Variants in SNED1 observed in about 807,000 individuals in gnomAD.
The protein encoded by SNED1 is sushi, nidogen and EGF-like domain-containing protein 1.
Under a neutral mutation model 166.7 loss-of-function variants are expected in SNED1, and 81 were observed. The observed-to-expected ratio is 0.49, with a 90% CI of 0.41 to 0.58. SNED1 has a LOEUF of 0.58. Ranked by LOEUF, SNED1 falls within the 20% of genes least tolerant of loss-of-function variation. The probability of loss-of-function intolerance (pLI) is 0.00; values close to 1 mark genes in which losing one functional copy is unlikely to be tolerated. For synonymous variants in SNED1, 762 were observed against 822.0 expected (o/e 0.93, Z 1.25); for missense variants, 1,604 against 2,000.2 (o/e 0.80, Z 3.78).
At chr2:241,012,711 C>G (rs900285802) in intron 1 of SNED1, among the ~76,000 whole-genome samples, 4 of 152,068 alleles carry the variant, frequency 2.6e-5, no homozygotes, top group Non-Finnish European at 5.9e-5. Flanking sequence ...TCGCATGAAT[C>G]TATACATCCA....
intron 6 of SNED1, among the ~76,000 whole-genome samples, chr2:241,038,005 C>T (rs2061424509): frequency 6.6e-6 from 1 of 152,144 alleles, no homozygotes; most frequent in Non-Finnish European, 1.5e-5. Flanking sequence ...ACTTACTGCC[C>T]TTCCCCCGGC....
chr2:241,059,936 A>C (rs899098739), intron 16 of SNED1, among the ~76,000 whole-genome samples: 10 of 152,176 alleles, frequency 6.6e-5, no homozygotes, highest in African/African-American at 1.7e-4. Flanking sequence ...AATAAAAGGA[A>C]GGAAAGGAAG....
intron 31 of SNED1, 135 bp downstream of exon 31, chr2:241,088,537 G>T: frequency 2.7e-6 from 2 of 734,206 alleles, no homozygotes; most frequent in African/African-American, 1.7e-5. Context: ...CTGTGCTGCT[G>T]TGTTACAGAC....
intron 1 of SNED1, 41 bp from the exon 2 acceptor site, chr2:241,030,243 C>T (rs2061126007): frequency 6.6e-7 from 1 of 1,508,324 alleles, no homozygotes; most frequent in African/African-American, 1.4e-5. Context: ...CGCCTGCCCA[C>T]AGCCCCCAGT....
At chr2:241,077,802 G>A (rs919968287) in intron 27 of SNED1, among the ~76,000 whole-genome samples, 7 of 152,260 alleles carry the variant, frequency 4.6e-5, no homozygotes, top group South Asian at 2.1e-4. Context: ...CTAGGATGGC[G>A]GGAATTAAAA....
chr2:241,049,171 G>T (rs1461064964), intron 11 of SNED1, 36 bp downstream of exon 11: 19 of 1,535,864 alleles, frequency 1.2e-5, no homozygotes, highest in Non-Finnish European at 1.7e-5. Flanking sequence ...TGGGCCGGGG[G>T]CCCGGACAGA....
rs952214984 is a variant in SNED1, at chr2:241,064,190, G to T, written c.2599+65G>T. The T allele has an allele frequency of 4.3e-6, 5 of 1,153,902 alleles. No individual in the cohort carries two copies. Among genetic ancestry groups the T allele is most frequent in the Non-Finnish European group, 6.0e-6 (5 of 828,934 alleles). 71.5% of individuals were successfully genotyped at this position (1,153,902 alleles called of 1,614,324 possible). A position where few individuals can be genotyped will look rare whatever the true frequency, so the allele number is the denominator to read the frequency against. ...CCTGCTCCCCGCCCTCTGCCCGCCTGCTGCCCGCCCTCTGCCCGCCTGCTC... is the reference window on the plus strand; with the variant it reads ...CCTGCTCCCCGCCCTCTGCCCGCCTTCTGCCCGCCCTCTGCCCGCCTGCTC... On this transcript the variant is annotated intron_variant, in intron 19 of 31. Coordinates refer to ENST00000310397, the MANE Select transcript of SNED1 (RefSeq NM_001080437.3). The surrounding 1 kb of genome is among the most constrained non-coding windows in gnomAD (Gnocchi z 7.0).
intron 8 of SNED1, 91 bp from the exon 9 acceptor site, chr2:241,048,224 G>A: frequency 7.0e-7 from 1 of 1,420,704 alleles, no homozygotes; most frequent in Non-Finnish European, 9.3e-7. Context: ...CAACAGAGGT[G>A]AAAACCCAAA....
rs892603497 is a variant in SNED1 at position 241,073,167 on chromosome 2, C to A, written c.3818-99C>A. 2 of 841,342 alleles carry A rather than the reference C, an allele frequency of 2.4e-6. No homozygotes were observed. 52.1% of individuals were successfully genotyped at this position (841,342 alleles called of 1,614,324 possible). ...GAGCCTGGTCCCCACCAGGGACATC[C>A]GTGCTCCCTGAGATATAGAAGCACT... On this transcript the variant is annotated intron_variant, in intron 26 of 31. Transcript: ENST00000310397. This position sits in a 1 kb window ranked among gnomAD's most constrained non-coding sequence, Gnocchi z 6.6.
intron 1 of SNED1, among the ~76,000 whole-genome samples, chr2:241,005,014 C>G (rs1417525197): frequency 6.6e-6 from 1 of 152,046 alleles, no homozygotes; most frequent in African/African-American, 2.4e-5. Flanking sequence ...GGCCACCATG[C>G]CTGGCCAATG....
At chr2:241,080,558 T>C (rs2063280856) in intron 27 of SNED1, among the ~76,000 whole-genome samples, 1 of 152,140 alleles carries the variant, frequency 6.6e-6, no homozygotes, top group South Asian at 2.1e-4. Context: ...GCCCAGGACA[T>C]GTTGTGTAAA....
intron 1 of SNED1, among the ~76,000 whole-genome samples, chr2:241,005,159 T>A (rs115511512): frequency 0.014 from 2,110 of 151,912 alleles, 51 homozygotes; most frequent in African/African-American, 0.047. Flanking sequence ...TTTTAAAAAA[T>A]TTTTATTTTT....
chr2:241,055,788 T>C (rs1012376908), intron 16 of SNED1, among the ~76,000 whole-genome samples: 1 of 152,208 alleles, frequency 6.6e-6, no homozygotes, highest in Non-Finnish European at 1.5e-5. Flanking sequence ...AAAGCAGAGA[T>C]AGATTTCATA....
rs80115958 is a variant in SNED1 at position 241,095,072 on chromosome 2, C to G, written c.*3436C>G. On this transcript the variant is annotated 3_prime_UTR_variant, in exon 32 of 32. Coordinates refer to ENST00000310397, the MANE Select transcript of SNED1 (RefSeq NM_001080437.3). ...CCTAAGGTGACACGCCCCCCCCCCC[C>G]CCCACACCCACCTTGGGGGGTCACG... 1.4e-5 allele frequency: 2 copies of G among 142,392 alleles called. No individual in the cohort carries two copies. The highest frequency in any genetic ancestry group is 5.2e-5 in the African/African-American group (2 of 38,278). The allele number at this position is 142,392 out of a possible 1,614,324, so 8.8% of individuals were successfully genotyped here.
At chr2:241,043,354 C>T (rs2061565140) in intron 8 of SNED1, among the ~76,000 whole-genome samples, 1 of 152,168 alleles carries the variant, frequency 6.6e-6, no homozygotes, top group Admixed American at 6.5e-5. Flanking sequence ...ACTGGAGTAA[C>T]ACCTTCAAAG....
intron 17 of SNED1, 131 bp from the exon 18 acceptor site, chr2:241,063,456 A>G (rs2062307810): frequency 1.4e-6 from 1 of 702,456 alleles, no homozygotes; most frequent in Non-Finnish European, 2.6e-6. Context: ...AAGAAAAAGC[A>G]CATGTCCTGA....
At chr2:241,011,454 C>G (rs1267111668) in intron 1 of SNED1, among the ~76,000 whole-genome samples, 1 of 152,210 alleles carries the variant, frequency 6.6e-6, no homozygotes, top group Non-Finnish European at 1.5e-5. Flanking sequence ...GCTGGGCAGC[C>G]TGCTGGCATT....
chr2:241,012,554 C>T (rs918551192), intron 1 of SNED1, among the ~76,000 whole-genome samples: 2 of 152,192 alleles, frequency 1.3e-5, no homozygotes, highest in Non-Finnish European at 2.9e-5. Flanking sequence ...TATGAATAGA[C>T]CACAGGCTAT....
chr2:241,049,946 G>A lies in SNED1; in HGVS notation c.1735+13G>A. 3.7e-6 allele frequency: 6 copies of A among 1,601,500 alleles called. No homozygotes were observed. The highest frequency in any genetic ancestry group is 5.1e-6 in the Non-Finnish European group (6 of 1,169,470). On this transcript the variant is annotated intron_variant, in intron 12 of 31. Coordinates refer to ENST00000310397, the MANE Select transcript of SNED1 (RefSeq NM_001080437.3). ...CACTGCGAGAAAGGTATGGCGGGCA[G>A]GGGCGTCCGGGCCGGCGTCAGCACC...
Sources: gnomAD v4.1 joint callset for allele counts (sites outside exome capture counted in the v4.1 genomes callset) on GRCh38, gnomAD v4.1.1 for gene constraint, Gnocchi (gnomAD v3.1) non-coding constraint, MANE v1.5 for transcripts, NCBI Gene and HGNC (gene_info 2026-07-23, HGNC 2026-07-21) for gene names.